The following CFAP53 variants were observed in gnomAD, a reference collection of about 807,000 sequenced individuals.
The protein encoded by CFAP53 is cilia and flagella associated protein 53, also known as cilia- and flagella-associated protein 53.
In CFAP53, 62 loss-of-function variants were observed where a neutral mutation model predicts 59.7. That is an observed-to-expected ratio of 1.04 (90% CI 0.85 to 1.28). The LOEUF (loss-of-function observed/expected upper bound fraction) is 1.28. CFAP53 is among the 50% of genes most tolerant of loss of function. The pLI is 0.00. For synonymous variants in CFAP53, 218 were observed against 205.7 expected (o/e 1.06, Z -0.51); for missense variants, 629 against 615.6 (o/e 1.02, Z -0.23).
intron 1 of CFAP53, among the ~76,000 whole-genome samples, chr18:50,265,598 C>G (rs1164805222): frequency 6.6e-6 from 1 of 152,222 alleles, no homozygotes; most frequent in Non-Finnish European, 1.5e-5. Flanking sequence ...ACTGCGCACA[C>G]AGCAGGGGCT....
Position 50,247,229 on chromosome 18 carries a change from G to T in CFAP53, c.996+3529C>A, listed in dbSNP as rs117957597. Among the ~76,000 whole-genome samples the T allele has an allele frequency of 2.7e-3, 407 of 152,118 alleles. 10 individuals carry two copies. In the East Asian group the frequency reaches 0.071, roughly 27 times the overall value. ...AGGCTCAATATCATTAGTCACTAGG[G>T]AAATACAAATAAAAACCATAATGAG... is the stretch of plus-strand genomic sequence containing the variant. On this transcript the variant is annotated intron_variant, in intron 5 of 7. Coordinates refer to ENST00000398545, the MANE Select transcript of CFAP53 (RefSeq NM_145020.5).
At chr18:50,265,504 T>C (rs1219493660) in intron 1 of CFAP53, among the ~76,000 whole-genome samples, 1 of 152,170 alleles carries the variant, frequency 6.6e-6, no homozygotes, top group East Asian at 1.9e-4. Flanking sequence ...TTGACTTGTA[T>C]AAGCTCCTTG....
intron 3 of CFAP53, among the ~76,000 whole-genome samples, chr18:50,260,420 G>T (rs561219802): frequency 6.6e-6 from 1 of 152,212 alleles, no homozygotes; most frequent in East Asian, 1.9e-4. Flanking sequence ...CTAATACTTT[G>T]GGTAGCTGAG....
chr18:50,246,093 T>A (rs2033741525), intron 5 of CFAP53, among the ~76,000 whole-genome samples: 1 of 152,222 alleles, frequency 6.6e-6, no homozygotes, highest in African/African-American at 2.4e-5. Context: ...TTTCACCATG[T>A]TGGTCAGGCT....
intron 6 of CFAP53, among the ~76,000 whole-genome samples, chr18:50,240,104 CTCAT>C (rs923920625): frequency 4.6e-5 from 7 of 151,960 alleles, no homozygotes; most frequent in African/African-American, 1.7e-4. Flanking sequence ...TCCACCCTGA[CTCAT>C]TCAAATTACC....
Position 50,227,287 on chromosome 18 carries a change from A to G in CFAP53, c.*94T>C. ...TTAATTACACAAACTCAGGGAAAAAAGAAAAGTTTATCCAGGAGTTAAAAG... is the reference window on the plus strand; with the variant it reads ...TTAATTACACAAACTCAGGGAAAAAGGAAAAGTTTATCCAGGAGTTAAAAG... On this transcript the variant is annotated 3_prime_UTR_variant, in exon 8 of 8. Transcript: ENST00000398545. The G allele has an allele frequency of 1.0e-6, 1 of 991,280 alleles. No individual in the cohort carries two copies. The highest frequency in any genetic ancestry group is 1.5e-6 in the Non-Finnish European group (1 of 674,976). 61.4% of individuals were successfully genotyped at this position (991,280 alleles called of 1,614,324 possible). A position where few individuals can be genotyped will look rare whatever the true frequency, so the allele number is the denominator to read the frequency against.
At chr18:50,261,381 T>G in intron 2 of CFAP53, 144 bp from the exon 3 acceptor site, 1 of 992,710 alleles carries the variant, frequency 1.0e-6, no homozygotes, top group Non-Finnish European at 1.4e-6. Flanking sequence ...CTGGTTGGTT[T>G]GTTTTTTTGT....
chr18:50,258,486 A>G (rs2033864325), intron 3 of CFAP53, among the ~76,000 whole-genome samples: 2 of 152,248 alleles, frequency 1.3e-5, no homozygotes, highest in African/African-American at 2.4e-5. Context: ...CTAAGACCTC[A>G]AACTATGAAA....
At position 50,251,445 on chromosome 18, in the gene CFAP53, G is replaced by A. The variant is rs74431781; in HGVS notation, c.777+36C>T. 6.5e-4 allele frequency: 1,020 copies of A among 1,574,232 alleles called. 7 individuals are homozygous for A. In the Middle Eastern group the frequency reaches 0.018, roughly 28 times the overall value. ...CTGCAAACTGTACTACACCCATGGCGTTGATCACCCTCTAACAAGCATTTT... is the reference window on the plus strand; with the variant it reads ...CTGCAAACTGTACTACACCCATGGCATTGATCACCCTCTAACAAGCATTTT... On this transcript the variant is annotated intron_variant, in intron 4 of 7. Coordinates refer to ENST00000398545, the MANE Select transcript of CFAP53 (RefSeq NM_145020.5).
chr18:50,262,502 T>A (rs1599133484), intron 1 of CFAP53, among the ~76,000 whole-genome samples: 1 of 152,176 alleles, frequency 6.6e-6, no homozygotes, highest in Non-Finnish European at 1.5e-5. Flanking sequence ...CAGGACTCTG[T>A]TGAGATTGTC....
At chr18:50,255,253 A>G (rs2033836499) in intron 3 of CFAP53, among the ~76,000 whole-genome samples, 1 of 152,194 alleles carries the variant, frequency 6.6e-6, no homozygotes, top group Non-Finnish European at 1.5e-5. Flanking sequence ...TTATGGGGAT[A>G]GAGATTAGTT....
intron 3 of CFAP53, among the ~76,000 whole-genome samples, chr18:50,253,014 GTTTC>G (rs1471959150): frequency 5.3e-5 from 8 of 150,882 alleles, no homozygotes; most frequent in Non-Finnish European, 8.9e-5. Flanking sequence ...GTAAGACCCT[GTTTC>G]TTTTTTTTTT....
intron 5 of CFAP53, among the ~76,000 whole-genome samples, chr18:50,249,203 CAAAAA>C (rs34676585): frequency 4.8e-5 from 5 of 105,128 alleles, no homozygotes; most frequent in Middle Eastern, 6.3e-3. Flanking sequence ...AATTCTATCT[CAAAAA>C]AAAAAAAAAA....
At chr18:50,242,630 C>T (rs571002883) in intron 6 of CFAP53, among the ~76,000 whole-genome samples, 1 of 152,310 alleles carries the variant, frequency 6.6e-6, no homozygotes, top group South Asian at 2.1e-4. Context: ...CACCTTCTCA[C>T]TCTTCATTCT....
At chr18:50,229,851 G>A (rs537397563) in intron 7 of CFAP53, among the ~76,000 whole-genome samples, 5 of 151,176 alleles carry the variant, frequency 3.3e-5, no homozygotes, top group Admixed American at 2.0e-4. Context: ...AGGTTCAGGT[G>A]ATCCTCCCAC....
At chr18:50,233,447 A>G (rs1474194978) in intron 7 of CFAP53, among the ~76,000 whole-genome samples, 1 of 152,122 alleles carries the variant, frequency 6.6e-6, no homozygotes, top group Non-Finnish European at 1.5e-5. Flanking sequence ...TACGACTGCT[A>G]TTTGCAAGCG....
chr18:50,242,988 C>T lies in CFAP53; in HGVS notation c.1125G>A (p.Lys375=), dbSNP rs372566333. 5.8e-5 allele frequency: 93 copies of T among 1,614,060 alleles called. No individual in the cohort carries two copies. In the African/African-American group the frequency reaches 1.0e-3, roughly 18 times the overall value. ...CCTTTTCAAGTCTCAGCTCCTTGTC[C>T]TTCTCAGCCAACTTCTTTGCCTTGT... ...EEDKAKKLAE[K]DKELRLEKEA... is the part of the protein sequence containing the mutation. Residue 375 remains lysine (K), a synonymous_variant, in exon 6 of 8, where the codon AAG becomes AAA. Transcript: ENST00000398545.
intron 1 of CFAP53, among the ~76,000 whole-genome samples, chr18:50,263,047 T>C (rs1486923164): frequency 1.3e-5 from 2 of 152,212 alleles, no homozygotes; most frequent in Non-Finnish European, 2.9e-5. Flanking sequence ...TGAAATCACA[T>C]AGCCTATATC....
At chr18:50,255,098 C>T (rs1381752669) in intron 3 of CFAP53, among the ~76,000 whole-genome samples, 1 of 152,192 alleles carries the variant, frequency 6.6e-6, no homozygotes. Context: ...CAATGGAATA[C>T]TACTCAGCAA....
Sources: allele counts gnomAD v4.1 joint callset (sites outside exome capture counted in the v4.1 genomes callset), GRCh38; gene constraint gnomAD v4.1.1; transcripts MANE v1.5; gene names NCBI Gene and HGNC (gene_info 2026-07-23, HGNC 2026-07-21).